The following MALRD1 variants were observed in gnomAD, a reference collection of about 807,000 sequenced individuals.
MALRD1 encodes the protein MAM and LDL-receptor class A domain-containing protein 1.
MALRD1 carries 247 observed loss-of-function variants against 242.1 expected under a neutral mutation model. The ratio of observed to expected loss-of-function variants is 1.02; its 90% CI spans 0.92 to 1.13. The LOEUF (loss-of-function observed/expected upper bound fraction) is 1.13. Ranked by LOEUF, MALRD1 falls within the 50% of genes most tolerant of loss-of-function variation. The pLI, the probability that MALRD1 is intolerant of heterozygous loss-of-function variation, is 0.00. For missense variants in MALRD1, 2,989 were observed against 2,533.1 expected (o/e 1.18, Z -3.86); for synonymous variants, 995 against 866.6 (o/e 1.15, Z -2.60).
intron 30 of MALRD1, among the ~76,000 whole-genome samples, 194 bp downstream of exon 30, chr10:19,491,839 T>C (rs1051250489): frequency 3.3e-5 from 5 of 152,248 alleles, no homozygotes; most frequent in Non-Finnish European, 7.3e-5. Context: ...TACTTTCATA[T>C]TCTTTACCCC....
chr10:19,288,553 A>G (rs1174316840), intron 21 of MALRD1, among the ~76,000 whole-genome samples: 1 of 151,888 alleles, frequency 6.6e-6, no homozygotes, highest in Non-Finnish European at 1.5e-5. Context: ...GGTAATAATT[A>G]TTTTAAGTAG....
intron 31 of MALRD1, among the ~76,000 whole-genome samples, chr10:19,507,463 T>C (rs1488766778): frequency 6.6e-6 from 1 of 152,126 alleles, no homozygotes; most frequent in Admixed American, 6.6e-5. Flanking sequence ...GAACTGATTA[T>C]TTAGAAAATA....
chr10:19,275,640 G>C (rs1840478761), intron 19 of MALRD1, among the ~76,000 whole-genome samples: 2 of 152,098 alleles, frequency 1.3e-5, no homozygotes, highest in African/African-American at 2.4e-5. Flanking sequence ...CTGCACTCCA[G>C]CCTGGGCGAC....
chr10:19,604,399 C>T (rs1475170114), intron 34 of MALRD1, among the ~76,000 whole-genome samples: 1 of 152,126 alleles, frequency 6.6e-6, no homozygotes, highest in African/African-American at 2.4e-5. Flanking sequence ...TCCCTCTGCT[C>T]CAGCCTAATC....
intron 32 of MALRD1, among the ~76,000 whole-genome samples, chr10:19,553,479 G>A (rs893783727): frequency 6.6e-5 from 10 of 151,692 alleles, no homozygotes; most frequent in African/African-American, 2.4e-4. Context: ...TCAACAGCTT[G>A]TACTGTGTTT....
At chr10:19,200,449 T>C (rs1383271958) in intron 14 of MALRD1, among the ~76,000 whole-genome samples, 1 of 152,168 alleles carries the variant, frequency 6.6e-6, no homozygotes, top group African/African-American at 2.4e-5. Context: ...TTTCCTCCTA[T>C]GAATGTTTAA....
At chr10:19,364,570 T>C (rs957470945) in intron 26 of MALRD1, among the ~76,000 whole-genome samples, 10 of 152,152 alleles carry the variant, frequency 6.6e-5, no homozygotes, top group Middle Eastern at 3.2e-3. Context: ...AAACTATTTT[T>C]TACCGTGTGA....
At chr10:19,286,623 G>T (rs1202675082) in intron 21 of MALRD1, among the ~76,000 whole-genome samples, 1 of 151,908 alleles carries the variant, frequency 6.6e-6, no homozygotes, top group Non-Finnish European at 1.5e-5. Flanking sequence ...AAACCAGGAA[G>T]AAGTTGAATC....
intron 18 of MALRD1, among the ~76,000 whole-genome samples, chr10:19,242,602 T>A (rs1838840493): frequency 6.6e-6 from 1 of 152,150 alleles, no homozygotes; most frequent in Non-Finnish European, 1.5e-5. Context: ...TGTTCTGGTG[T>A]TGGGTACGTA....
At chr10:19,504,837 C>T (rs950389733) in intron 31 of MALRD1, among the ~76,000 whole-genome samples, 18 of 150,840 alleles carry the variant, frequency 1.2e-4, no homozygotes, top group Middle Eastern at 3.2e-3. Context: ...CGCCCGCCAC[C>T]GCGCCCGGCT....
chr10:19,274,627 T>C (rs1160705821), intron 19 of MALRD1, among the ~76,000 whole-genome samples: 1 of 152,172 alleles, frequency 6.6e-6, no homozygotes, highest in Non-Finnish European at 1.5e-5. Flanking sequence ...AAATGGCTGT[T>C]TAAGACACTC....
chr10:19,419,571 C>T (rs577915526), intron 28 of MALRD1, among the ~76,000 whole-genome samples: 4 of 152,266 alleles, frequency 2.6e-5, no homozygotes, highest in African/African-American at 9.6e-5. Context: ...CTGCTGGCCT[C>T]TGCCTCCCAA....
rs188902887 is a variant in MALRD1, at chr10:19,282,809, A to T, written c.3257-210A>T. 8.4e-4 allele frequency among the ~76,000 whole-genome samples: 100 copies of T among 119,202 alleles called. No homozygotes were observed. In the East Asian group the frequency reaches 0.013, roughly 15 times the overall value. The allele number at this position is 119,202 out of a possible 152,430, so 78.2% of individuals were successfully genotyped here. On this transcript the variant is annotated intron_variant, in intron 20 of 39. Coordinates refer to ENST00000454679, the MANE Select transcript of MALRD1 (RefSeq NM_001142308.3). ...ATCATTAGTATATGTATTTTTTCCT[A>T]TATTTTTTCCTATAAATATTTGACT...
chr10:19,162,460 A>C (rs150326971), intron 12 of MALRD1, among the ~76,000 whole-genome samples: 117 of 152,290 alleles, frequency 7.7e-4, no homozygotes, highest in Non-Finnish European at 1.2e-3. Flanking sequence ...ACGTTTCATG[A>C]TTTGGAGTTT....
At chr10:19,177,535 C>T (rs1835315267) in intron 14 of MALRD1, among the ~76,000 whole-genome samples, 1 of 152,190 alleles carries the variant, frequency 6.6e-6, no homozygotes, top group Middle Eastern at 3.4e-3. Context: ...GAATGAAAGA[C>T]AGTTTAATGA....
chr10:19,733,203 CAA>C (rs1242925679), intron 39 of MALRD1, among the ~76,000 whole-genome samples: 2 of 152,124 alleles, frequency 1.3e-5, no homozygotes, highest in Non-Finnish European at 2.9e-5. Context: ...CAATTCATGC[CAA>C]TATTCATGGC....
chr10:19,697,764 A>AG (rs1833445314), intron 38 of MALRD1, among the ~76,000 whole-genome samples: 1 of 152,038 alleles, frequency 6.6e-6, no homozygotes, highest in Admixed American at 6.6e-5. Context: ...CTTTAATTTT[A>AG]CATGTTCCTT....
intron 4 of MALRD1, 74 bp downstream of exon 4, chr10:19,088,259 A>G (rs1835743276): frequency 8.4e-7 from 1 of 1,184,094 alleles, no homozygotes; most frequent in African/African-American, 1.6e-5. Context: ...AGGTGAACTA[A>G]AAGTAAGGCA....
intron 4 of MALRD1, among the ~76,000 whole-genome samples, chr10:19,091,969 T>G (rs1327288710): frequency 1.6e-5 from 1 of 61,322 alleles, no homozygotes; most frequent in South Asian, 5.8e-4. Flanking sequence ...TTGTTATAAT[T>G]TCTGTTCTTT....
Sources: gnomAD v4.1 joint callset for allele counts (sites outside exome capture counted in the v4.1 genomes callset) on GRCh38, gnomAD v4.1.1 for gene constraint, MANE v1.5 for transcripts, NCBI Gene and HGNC (gene_info 2026-07-23, HGNC 2026-07-21) for gene names.